Variants in AKT3 observed in about 807,000 individuals in gnomAD.
AKT3 encodes AKT serine/threonine kinase 3, also known as RAC-gamma serine/threonine-protein kinase.
AKT3 carries 15 observed loss-of-function variants against 65.3 expected under a neutral mutation model. The ratio of observed to expected loss-of-function variants is 0.23; its 90% CI spans 0.15 to 0.35. AKT3 has a LOEUF of 0.35. Ranked by LOEUF, AKT3 falls within the 10% of genes least tolerant of loss-of-function variation. The pLI is 1.00. For synonymous variants in AKT3, 206 were observed against 183.8 expected (o/e 1.12, Z -0.98); for missense variants, 243 against 576.5 (o/e 0.42, Z 5.92).
intron 2 of AKT3, among the ~76,000 whole-genome samples, chr1:243,721,711 G>A (rs1686919452): frequency 6.6e-6 from 1 of 151,826 alleles, no homozygotes; most frequent in South Asian, 2.1e-4. Context: ...TAATAACCCT[G>A]GGAAATTTAC....
chr1:243,849,906 G>A (rs927851304), intron 1 of AKT3, 134 bp downstream of exon 1: 70 of 659,564 alleles, frequency 1.1e-4, no homozygotes, highest in Non-Finnish European at 1.2e-4. Context: ...TGACAACCCA[G>A]AAGCCCCCGC....
rs1694662893 is a variant in AKT3, at chr1:243,833,395, T to C, written c.46+9730A>G. ...ATAAGGTGAGGGGGAAGAAGGCACC[T>C]TCTTCACAGGGCGGCAGGAAGGCCG... is the stretch of plus-strand genomic sequence containing the variant. On this transcript the variant is annotated intron_variant, in intron 2 of 13. Coordinates refer to ENST00000673466, the MANE Select transcript of AKT3 (RefSeq NM_005465.7). Among the ~76,000 whole-genome samples, 4 of 151,958 alleles carry C rather than the reference T, an allele frequency of 2.6e-5. No individual in the cohort carries two copies. The South Asian group carries it at 8.3e-4, about 31-fold the overall frequency.
At chr1:243,764,941 T>G (rs1368242926) in intron 2 of AKT3, among the ~76,000 whole-genome samples, 2 of 152,122 alleles carry the variant, frequency 1.3e-5, no homozygotes, top group African/African-American at 4.8e-5. Flanking sequence ...TTTAGCAACA[T>G]TTAGAACAGC....
chr1:243,689,482 ATTTTT>A (rs11354558), intron 3 of AKT3, among the ~76,000 whole-genome samples: 11 of 128,380 alleles, frequency 8.6e-5, no homozygotes, highest in African/African-American at 2.9e-4. Flanking sequence ...TTATTCAAAG[ATTTTT>A]TTTTTTTTTT....
chr1:243,802,046 A>T (rs572210569), intron 2 of AKT3, among the ~76,000 whole-genome samples: 1 of 152,340 alleles, frequency 6.6e-6, no homozygotes, highest in Admixed American at 6.5e-5. Flanking sequence ...AAGTTTGCAT[A>T]CATTATTTCC....
intron 6 of AKT3, among the ~76,000 whole-genome samples, chr1:243,631,127 A>T (rs768303574): frequency 1.4e-4 from 22 of 152,330 alleles, no homozygotes; most frequent in Middle Eastern, 3.4e-3. Flanking sequence ...TTAAGTGTGT[A>T]ACAGCACTAT....
At chr1:243,762,029 G>A (rs1032589715) in intron 2 of AKT3, among the ~76,000 whole-genome samples, 1 of 152,012 alleles carries the variant, frequency 6.6e-6, no homozygotes, top group Non-Finnish European at 1.5e-5. Context: ...CCTGGCAACT[G>A]TAAATGAATA....
intron 2 of AKT3, among the ~76,000 whole-genome samples, chr1:243,714,694 T>C (rs570844544): frequency 6.6e-6 from 1 of 152,292 alleles, no homozygotes; most frequent in South Asian, 2.1e-4. Flanking sequence ...GAGGAGAATA[T>C]AGAAAAGCTT....
chr1:243,488,581 T>G, intron 13 of AKT3: 1 of 223,872 alleles, frequency 4.5e-6, no homozygotes, highest in Non-Finnish European at 9.0e-6. Context: ...ATTGACTGAG[T>G]GATTAATAAT....
intron 3 of AKT3, among the ~76,000 whole-genome samples, chr1:243,693,265 T>TATATATAC (rs1684834166): frequency 1.1e-5 from 1 of 94,142 alleles, no homozygotes; most frequent in African/African-American, 3.9e-5. Flanking sequence ...TATATATATA[T>TATATATAC]ATATATATAT....
At chr1:243,674,878 G>A (rs1324121411) in intron 3 of AKT3, among the ~76,000 whole-genome samples, 1 of 152,182 alleles carries the variant, frequency 6.6e-6, no homozygotes, top group Admixed American at 6.5e-5. Context: ...TGTTACATGG[G>A]TGTATTGTAT....
intron 3 of AKT3, among the ~76,000 whole-genome samples, chr1:243,673,352 CCTATT>C (rs1683281869): frequency 6.6e-6 from 1 of 152,036 alleles, no homozygotes; most frequent in African/African-American, 2.4e-5. Context: ...CATTTTTAGA[CCTATT>C]CTAAGCACTT....
chr1:243,508,463 C>T lies in AKT3; in HGVS notation c.1355-3129G>A, dbSNP rs144358271. Among the ~76,000 whole-genome samples the T allele has an allele frequency of 1.8e-3, 269 of 152,276 alleles. 1 individual carries two copies. The highest frequency in any genetic ancestry group is 2.5e-3 in the South Asian group (12 of 4,828). On this transcript the variant is annotated intron_variant, in intron 13 of 13. Coordinates refer to ENST00000673466, the MANE Select transcript of AKT3 (RefSeq NM_005465.7). Reference sequence around the variant, plus strand: ...CTGGGCATACTCTGCTGAGCTCTTCCGTCTGACTTTCCTTGCTACAGAGGT... The same window carrying T: ...CTGGGCATACTCTGCTGAGCTCTTCTGTCTGACTTTCCTTGCTACAGAGGT...
chr1:243,523,260 A>AACACACACACACAC lies in AKT3; in HGVS notation c.1252-10848_1252-10835dup, dbSNP rs547403507. 2.9e-3 allele frequency among the ~76,000 whole-genome samples: 372 copies of AACACACACACACAC among 126,504 alleles called. 3 individuals are homozygous for AACACACACACACAC. The highest frequency in any genetic ancestry group is 3.5e-3 in the Non-Finnish European group (208 of 60,110). The allele number at this position is 126,504 out of a possible 152,430, so 83.0% of individuals were successfully genotyped here. The stretch of plus-strand genomic sequence containing the variant: ...TGAAGCTCTGGCTCCAAAAAGGACG[A>AACACACACACACAC]ACACACACACACACACACACACACA... On this transcript the variant is annotated intron_variant, in intron 12 of 13. Transcript: ENST00000673466.
downstream of AKT3, chr1:243,499,597 G>A (rs12085532): frequency 6.6e-4 from 452 of 688,802 alleles, 2 homozygotes; most frequent in African/African-American, 7.1e-3. Context: ...TGGACAAGAT[G>A]AGGCACAAAC....
At chr1:243,824,372 A>G (rs6429438) in intron 2 of AKT3, among the ~76,000 whole-genome samples, 137,810 of 152,198 alleles carry the variant, frequency 0.91, 62,608 homozygotes, top group African/African-American at 0.98. Context: ...TGATGAAAAC[A>G]TCAAAACCAA....
chr1:243,754,318 C>A (rs1248976202), intron 2 of AKT3, among the ~76,000 whole-genome samples: 6 of 152,180 alleles, frequency 3.9e-5, no homozygotes, highest in Non-Finnish European at 8.8e-5. Context: ...TTGATAATTA[C>A]ACTGAATGAT....
intron 4 of AKT3, among the ~76,000 whole-genome samples, chr1:243,659,963 A>T (rs975256668): frequency 6.6e-6 from 1 of 152,134 alleles, no homozygotes; most frequent in Non-Finnish European, 1.5e-5. Context: ...TGTCTCTGCC[A>T]GGCTTTGGTA....
At chr1:243,598,788 C>A (rs1332989536) in intron 8 of AKT3, among the ~76,000 whole-genome samples, 11 of 152,186 alleles carry the variant, frequency 7.2e-5, no homozygotes, top group Admixed American at 7.2e-4. Flanking sequence ...CTACAGCACT[C>A]TGTTGCCATT....
Sources: allele counts gnomAD v4.1 joint callset (sites outside exome capture counted in the v4.1 genomes callset), GRCh38; gene constraint gnomAD v4.1.1; transcripts MANE v1.5; gene names NCBI Gene and HGNC (gene_info 2026-07-23, HGNC 2026-07-21).